Variants in STARD13 observed in about 807,000 individuals in gnomAD.
The protein encoded by STARD13 is StAR related lipid transfer domain containing 13, also known as stAR-related lipid transfer protein 13.
Under a neutral mutation model 106.4 loss-of-function variants are expected in STARD13, and 62 were observed. The ratio of observed to expected loss-of-function variants is 0.58; its 90% CI spans 0.48 to 0.72. The LOEUF is 0.72. Among genes scored for constraint, STARD13 ranks in the 30% least tolerant of loss-of-function variants. The pLI, the probability that STARD13 is intolerant of heterozygous loss-of-function variation, is 0.00. For synonymous variants in STARD13, 565 were observed against 553.0 expected (o/e 1.02, Z -0.31); for missense variants, 1,387 against 1,424.0 (o/e 0.97, Z 0.42).
chr13:33,247,908 G>A (rs759028688), intron 1 of STARD13, among the ~76,000 whole-genome samples: 1 of 152,156 alleles, frequency 6.6e-6, no homozygotes, highest in Non-Finnish European at 1.5e-5. Context: ...TGATTCTGAC[G>A]TGCTAACAAG....
the STARD13 span, among the ~76,000 whole-genome samples, chr13:33,560,570 G>A: frequency 1.8e-3 from 267 of 151,346 alleles, 17 homozygotes; most frequent in African/African-American, 4.8e-3. Flanking sequence ...TTTCAGCATC[G>A]TAAACATTGT....
At chr13:33,338,971 G>T (rs1183130408) in intron 1 of STARD13, among the ~76,000 whole-genome samples, 2 of 151,664 alleles carry the variant, frequency 1.3e-5, no homozygotes, top group South Asian at 4.2e-4. Context: ...TTTCGGGTGG[G>T]GGTTAAAGGA....
intron 3 of STARD13, among the ~76,000 whole-genome samples, chr13:33,158,370 A>G (rs559857143): frequency 6.6e-6 from 1 of 152,334 alleles, no homozygotes; most frequent in Non-Finnish European, 1.5e-5. Flanking sequence ...GGCATTCACT[A>G]TCTATCTACT....
chr13:33,295,083 C>T (rs11617443), intron 1 of STARD13, among the ~76,000 whole-genome samples: 232 of 152,064 alleles, frequency 1.5e-3, no homozygotes, highest in Non-Finnish European at 2.5e-3. Context: ...AATAAAGGCG[C>T]GGGAGGAATA....
chr13:33,646,353 G>T, the STARD13 span, among the ~76,000 whole-genome samples: 1 of 152,196 alleles, frequency 6.6e-6, no homozygotes, highest in African/African-American at 2.4e-5. Context: ...TCTATCAGTG[G>T]TCCCTGTAAG....
At chr13:33,406,631 A>G in the STARD13 span, among the ~76,000 whole-genome samples, 1 of 152,176 alleles carries the variant, frequency 6.6e-6, no homozygotes, top group African/African-American at 2.4e-5. Context: ...TCTCTGTAAA[A>G]CTTACCTTTT....
chr13:33,559,400 C>T, the STARD13 span, among the ~76,000 whole-genome samples: 1 of 151,510 alleles, frequency 6.6e-6, no homozygotes, highest in Non-Finnish European at 1.5e-5. Context: ...GACCTTCAAA[C>T]TTTATATAGT....
chr13:33,468,114 T>C, the STARD13 span, among the ~76,000 whole-genome samples: 1 of 152,244 alleles, frequency 6.6e-6, no homozygotes, highest in East Asian at 1.9e-4. Context: ...ACCCCGGTTC[T>C]AATCCTACCT....
At chr13:33,643,156 C>G in the STARD13 span, among the ~76,000 whole-genome samples, 16 of 132,118 alleles carry the variant, frequency 1.2e-4, no homozygotes, top group South Asian at 3.6e-3. Context: ...TTACATAGAA[C>G]ATGCACACAC....
chr13:33,259,645 T>C (rs561581993), intron 1 of STARD13, among the ~76,000 whole-genome samples: 5 of 152,228 alleles, frequency 3.3e-5, no homozygotes, highest in African/African-American at 4.8e-5. Flanking sequence ...TATGGTTCAG[T>C]TGGGCCTAGG....
At chr13:33,645,957 T>C in the STARD13 span, among the ~76,000 whole-genome samples, 1 of 152,014 alleles carries the variant, frequency 6.6e-6, no homozygotes. Flanking sequence ...ACATTTTAGC[T>C]GGAGAATATT....
chr13:33,220,430 C>T (rs572410969), intron 1 of STARD13, among the ~76,000 whole-genome samples: 18 of 152,290 alleles, frequency 1.2e-4, no homozygotes, highest in East Asian at 1.9e-4. Context: ...TGGTGGCTCA[C>T]GCCTGTAATC....
At chr13:33,191,454 T>A (rs1886252116) in intron 1 of STARD13, among the ~76,000 whole-genome samples, 1 of 152,174 alleles carries the variant, frequency 6.6e-6, no homozygotes, top group Admixed American at 6.5e-5. Context: ...AGATGAAATG[T>A]TGTGTTGAAG....
At chr13:33,345,269 A>G (rs909623429), downstream of STARD13, among the ~76,000 whole-genome samples, 12 of 152,334 alleles carry the variant, frequency 7.9e-5, no homozygotes, top group African/African-American at 2.6e-4. Flanking sequence ...TGATTAGGGG[A>G]CAAGCTACTT....
At chr13:33,439,112 C>T in the STARD13 span, among the ~76,000 whole-genome samples, 1 of 152,098 alleles carries the variant, frequency 6.6e-6, no homozygotes, top group Admixed American at 6.5e-5. Context: ...AATGTCTTAT[C>T]CATAATGACT....
the STARD13 span, among the ~76,000 whole-genome samples, chr13:33,489,842 G>A: frequency 1.3e-5 from 2 of 152,110 alleles, no homozygotes; most frequent in Admixed American, 6.6e-5. Context: ...GACTCTCAGA[G>A]AATTACCAGA....
chr13:33,645,139 A>C, the STARD13 span, among the ~76,000 whole-genome samples: 174 of 152,236 alleles, frequency 1.1e-3, no homozygotes, highest in Non-Finnish European at 1.6e-3. Context: ...ATTGTGACTT[A>C]TGTTGACTGA....
At chr13:33,406,426 C>T in the STARD13 span, among the ~76,000 whole-genome samples, 2 of 152,156 alleles carry the variant, frequency 1.3e-5, no homozygotes, top group Admixed American at 6.5e-5. Flanking sequence ...AATTTGAGTA[C>T]GGAGCTCTTG....
the STARD13 span, among the ~76,000 whole-genome samples, chr13:33,386,327 C>T: frequency 1.3e-5 from 2 of 152,198 alleles, no homozygotes; most frequent in Admixed American, 6.5e-5. Flanking sequence ...TTCTCCCCTA[C>T]CCTGCTCTTG....
Sources: gnomAD v4.1 joint callset for allele counts (sites outside exome capture counted in the v4.1 genomes callset) on GRCh38, gnomAD v4.1.1 for gene constraint, MANE v1.5 for transcripts, NCBI Gene and HGNC (gene_info 2026-07-23, HGNC 2026-07-21) for gene names.